Variants in ITIH5 observed in about 807,000 individuals in gnomAD.
ITIH5 encodes inter-alpha-trypsin inhibitor heavy chain 5.
Under a neutral mutation model 77.5 loss-of-function variants are expected in ITIH5, and 65 were observed. The observed-to-expected ratio is 0.84, with a 90% confidence interval of 0.69 to 1.03. The LOEUF is 1.03. Among genes scored for constraint, ITIH5 ranks in the 50% least tolerant of loss-of-function variants. The probability of loss-of-function intolerance (pLI) is 0.00; values close to 1 mark genes in which losing one functional copy is unlikely to be tolerated. For missense variants in ITIH5, 1,208 were observed against 1,213.1 expected (o/e 1.00, Z 0.06); for synonymous variants, 525 against 494.3 (o/e 1.06, Z -0.82).
chr10:7,645,838 C>A (rs1834001947), intron 2 of ITIH5, among the ~76,000 whole-genome samples: 1 of 152,138 alleles, frequency 6.6e-6, no homozygotes, highest in Non-Finnish European at 1.5e-5. Flanking sequence ...ACATTTCATA[C>A]ATTTCAGTAA....
At position 7,579,725 on chromosome 10, in the gene ITIH5, C is replaced by G. The variant is rs566937005; in HGVS notation, c.1418+30G>C. On this transcript the variant is annotated intron_variant, in intron 9 of 13. Coordinates refer to ENST00000397146, the MANE Select transcript of ITIH5 (RefSeq NM_030569.7). The stretch of plus-strand genomic sequence containing the variant: ...GCCACCCCTCAGCCCCTCAAACAGC[C>G]TCTCATGCCTACGAAGACAGACCAC... 6 of 1,602,342 alleles carry G rather than the reference C, an allele frequency of 3.7e-6. No individual in the cohort carries two copies. In the South Asian group the frequency reaches 6.6e-5, roughly 18 times the overall value.
intron 2 of ITIH5, among the ~76,000 whole-genome samples, chr10:7,653,049 A>C (rs756032475): frequency 1.3e-5 from 2 of 152,216 alleles, no homozygotes; most frequent in Non-Finnish European, 2.9e-5. Context: ...TAAAGGAACA[A>C]TGAGATATCA....
chr10:7,603,614 C>T (rs544036553), intron 7 of ITIH5, among the ~76,000 whole-genome samples: 2 of 152,256 alleles, frequency 1.3e-5, no homozygotes, highest in East Asian at 1.9e-4. Flanking sequence ...GATGGAGTCT[C>T]GCTCTGTCGT....
chr10:7,617,437 G>T, intron 5 of ITIH5, 155 bp from the exon 6 acceptor site: 1 of 479,950 alleles, frequency 2.1e-6, no homozygotes, highest in South Asian at 5.3e-5. Context: ...ATCACAATGC[G>T]AGAGTTATGT....
intron 1 of ITIH5, among the ~76,000 whole-genome samples, chr10:7,656,070 CTT>C (rs1360051541): frequency 6.6e-6 from 1 of 152,198 alleles, no homozygotes; most frequent in Non-Finnish European, 1.5e-5. Context: ...GGTATTCAGT[CTT>C]AATTCCAGTG....
chr10:7,633,636 G>T (rs1384775645), intron 5 of ITIH5, among the ~76,000 whole-genome samples: 1 of 149,774 alleles, frequency 6.7e-6, no homozygotes, highest in Non-Finnish European at 1.5e-5. Flanking sequence ...TAGTAAGTAA[G>T]GTTTCTCAGC....
chr10:7,646,300 A>G (rs1834009512), intron 2 of ITIH5, among the ~76,000 whole-genome samples: 1 of 152,254 alleles, frequency 6.6e-6, no homozygotes, highest in African/African-American at 2.4e-5. Flanking sequence ...CAAGTAACAT[A>G]TGCACATGGT....
At chr10:7,594,560 A>ATACATTT (rs1180650110) in intron 7 of ITIH5, among the ~76,000 whole-genome samples, 3 of 152,168 alleles carry the variant, frequency 2.0e-5, no homozygotes, top group African/African-American at 7.2e-5. Context: ...GTATGATCAT[A>ATACATTT]TGTATCGCAG....
chr10:7,630,230 T>C (rs1238626880), intron 5 of ITIH5, among the ~76,000 whole-genome samples: 1 of 152,180 alleles, frequency 6.6e-6, no homozygotes, highest in African/African-American at 2.4e-5. Flanking sequence ...CAATTTACTA[T>C]ATACCTAGCA....
At chr10:7,627,558 T>C (rs1002485867) in intron 5 of ITIH5, among the ~76,000 whole-genome samples, 11 of 152,198 alleles carry the variant, frequency 7.2e-5, no homozygotes, top group Admixed American at 5.2e-4. Flanking sequence ...CCAATGACGC[T>C]TCCTCAGTTC....
intron 7 of ITIH5, among the ~76,000 whole-genome samples, chr10:7,603,652 T>G (rs948072638): frequency 1.3e-5 from 2 of 152,142 alleles, no homozygotes; most frequent in Non-Finnish European, 2.9e-5. Flanking sequence ...GGCGCGATCT[T>G]GGCTCACTGC....
At chr10:7,640,731 T>C (rs1320084777) in intron 4 of ITIH5, 23 bp downstream of exon 4, 3 of 1,523,920 alleles carry the variant, frequency 2.0e-6, no homozygotes, top group Non-Finnish European at 2.7e-6. Context: ...GGGTTTTTAA[T>C]TCCTTAATTA....
At chr10:7,565,226 T>C (rs1245845160) in intron 13 of ITIH5, among the ~76,000 whole-genome samples, 1 of 149,152 alleles carries the variant, frequency 6.7e-6, no homozygotes, top group Non-Finnish European at 1.5e-5. Context: ...CATACATACA[T>C]ATATACACAG....
intron 12 of ITIH5, among the ~76,000 whole-genome samples, chr10:7,567,360 T>A (rs1455713066): frequency 6.8e-6 from 1 of 146,370 alleles, no homozygotes; most frequent in Non-Finnish European, 1.5e-5. Context: ...TTATTATACT[T>A]TAGGTTTTAG....
Position 7,566,330 on chromosome 10 carries a change from T to C in ITIH5, c.2227A>G (p.Thr743Ala), listed in dbSNP as rs1370370216. The change falls in exon 13 of 14, where the codon ACT becomes GCT. Residue 743 changes from threonine to alanine, a missense_variant. Physicochemically the swap from Thr to Ala is moderately conservative, Grantham distance 58 (BLOSUM62 0). Coordinates refer to ENST00000397146, the MANE Select transcript of ITIH5 (RefSeq NM_030569.7). Reference sequence around the variant, plus strand: ...GGCTTGTTGATGAGGATGGTGATAGTGCGCAAGTAAGTGCGCTGTTTCTTG... The same window carrying C: ...GGCTTGTTGATGAGGATGGTGATAGCGCGCAAGTAAGTGCGCTGTTTCTTG... ...GHKKQRTYLR[T>A]ITILINKPER... 9 of 1,613,054 alleles carry C rather than the reference T, an allele frequency of 5.6e-6. No homozygotes were observed. In the Admixed American group the frequency reaches 1.3e-4, roughly 24 times the overall value.
chr10:7,657,473 G>GAA (rs144696686), intron 1 of ITIH5, among the ~76,000 whole-genome samples: 8 of 146,142 alleles, frequency 5.5e-5, no homozygotes, highest in African/African-American at 2.0e-4. Flanking sequence ...AATACTGATA[G>GAA]AAAAAAAAAA....
At chr10:7,637,650 T>G (rs918799421) in intron 4 of ITIH5, among the ~76,000 whole-genome samples, 172 bp from the exon 5 acceptor site, 2 of 151,954 alleles carry the variant, frequency 1.3e-5, no homozygotes, top group African/African-American at 2.4e-5. Flanking sequence ...TTAGAAGAAG[T>G]GAAACCCCGT....
chr10:7,591,246 C>A (rs1209608171), intron 7 of ITIH5, among the ~76,000 whole-genome samples: 3 of 152,142 alleles, frequency 2.0e-5, no homozygotes, highest in African/African-American at 7.2e-5. Flanking sequence ...GGTCCTGGTT[C>A]AAATCCCTGT....
intron 7 of ITIH5, among the ~76,000 whole-genome samples, chr10:7,587,007 T>C (rs1335146155): frequency 6.6e-6 from 1 of 152,176 alleles, no homozygotes; most frequent in Non-Finnish European, 1.5e-5. Context: ...ATTTTTGTAC[T>C]TTAGTAGAGA....
Sources: allele counts gnomAD v4.1 joint callset (sites outside exome capture counted in the v4.1 genomes callset), GRCh38; gene constraint gnomAD v4.1.1; transcripts MANE v1.5; gene names NCBI Gene and HGNC (gene_info 2026-07-23, HGNC 2026-07-21).